The following SH2D6 variants were observed in gnomAD, a reference collection of about 807,000 sequenced individuals.
SH2D6 encodes SH2 domain-containing protein 6.
A neutral mutation model predicts 30.2 loss-of-function variants in SH2D6; 31 were observed. That is an observed-to-expected ratio of 1.03 (90% CI 0.77 to 1.38). The LOEUF is 1.38. Ranked by LOEUF, SH2D6 falls within the 40% of genes most tolerant of loss-of-function variation. The pLI is 0.00. For missense variants in SH2D6, 240 were observed against 266.8 expected (o/e 0.90, Z 0.70); for synonymous variants, 93 against 104.6 (o/e 0.89, Z 0.68).
At chr2:85,428,429 A>G (rs1199711425) in intron 6 of SH2D6, among the ~76,000 whole-genome samples, 155 bp from the exon 7 acceptor site, 1 of 152,198 alleles carries the variant, frequency 6.6e-6, no homozygotes, top group Admixed American at 6.5e-5. Flanking sequence ...TAAGATTCAT[A>G]TGCTAAAATC....
intron 7 of SH2D6, among the ~76,000 whole-genome samples, chr2:85,428,910 C>A (rs1457668574): frequency 6.6e-6 from 1 of 152,194 alleles, no homozygotes; most frequent in Non-Finnish European, 1.5e-5. Flanking sequence ...CCTGGAACAG[C>A]CTCTGGCAGA....
At chr2:85,434,291 T>C in intron 17 of SH2D6, 49 bp from the exon 18 acceptor site, 1 of 1,521,952 alleles carries the variant, frequency 6.6e-7, no homozygotes, top group Non-Finnish European at 8.8e-7. Flanking sequence ...CCCTTTCTCT[T>C]GAAAAACATA....
rs1245287102 is a variant in SH2D6 at position 85,425,674 on chromosome 2, TAG to T, written c.-209+272_-209+273del. 2.0e-5 allele frequency among the ~76,000 whole-genome samples: 3 copies of T among 152,320 alleles called. No homozygotes were observed. The East Asian group carries it at 5.8e-4, about 29-fold the overall frequency. On this transcript the variant is annotated intron_variant, in intron 6 of 23. Transcript: ENST00000469800. ...TAGCTCATAGCATCTCCAGCAGGGC[TAG>T]AGAGTTAGCCAGGAATAATGTCCCA...
At chr2:85,420,331 G>A (rs1409226907) in intron 2 of SH2D6, among the ~76,000 whole-genome samples, 1 of 152,158 alleles carries the variant, frequency 6.6e-6, no homozygotes, top group Admixed American at 6.5e-5. Context: ...TGTTGGCCAG[G>A]CTGGTCTCGA....
intron 5 of SH2D6, among the ~76,000 whole-genome samples, chr2:85,424,752 G>A (rs1483196618): frequency 6.6e-6 from 1 of 151,962 alleles, no homozygotes; most frequent in Non-Finnish European, 1.5e-5. Flanking sequence ...CTGGGTGACA[G>A]GGTGAGACCC....
chr2:85,419,390 C>G (rs1687664176), intron 2 of SH2D6, 146 bp downstream of exon 2: 2 of 152,418 alleles, frequency 1.3e-5, no homozygotes, highest in South Asian at 2.1e-4. Flanking sequence ...TTCTGAGGCG[C>G]TACAGAAGGG....
rs565709097 is a variant in SH2D6, at chr2:85,430,940, C to G, written c.251-270C>G. ...GGGCCTGGCATTCCCCTTCTGAGAT[C>G]CCAACACTTCTTCAGGCCAAGGGCG... On this transcript the variant is annotated intron_variant, in intron 12 of 23. Coordinates refer to ENST00000469800, the MANE Select transcript of SH2D6 (RefSeq NM_001394463.1). The surrounding 1 kb of genome is among the most constrained non-coding windows in gnomAD (Gnocchi z 4.3). Among the ~76,000 whole-genome samples, 1 of 152,140 alleles carries G rather than the reference C, an allele frequency of 6.6e-6. No homozygotes were observed. The highest frequency in any genetic ancestry group is 1.5e-5 in the Non-Finnish European group (1 of 68,016).
intron 6 of SH2D6, among the ~76,000 whole-genome samples, chr2:85,426,715 G>C (rs1399709867): frequency 6.6e-6 from 1 of 152,206 alleles, no homozygotes; most frequent in African/African-American, 2.4e-5. Flanking sequence ...TAATAAACCA[G>C]TAAACATAAG....
At chr2:85,432,142 A>G (rs1688741406) in intron 14 of SH2D6, among the ~76,000 whole-genome samples, 183 bp downstream of exon 14, 1 of 152,088 alleles carries the variant, frequency 6.6e-6, no homozygotes, top group South Asian at 2.1e-4. Context: ...CGTTGCCTCT[A>G]ATGAAATGAA....
At position 85,433,623 on chromosome 2, in the gene SH2D6, C is replaced by T. The variant is rs1283469854; in HGVS notation, c.446C>T (p.Pro149Leu). The T allele has an allele frequency of 9.8e-6, 10 of 1,016,684 alleles. No homozygotes were observed. The highest frequency in any genetic ancestry group is 4.0e-5 in the South Asian group (1 of 24,706). The allele number at this position is 1,016,684 out of a possible 1,614,324, so 63.0% of individuals were successfully genotyped here. ...GAGGACCTCTACTTGGAATGTGAGC[C>T]GGATCCAGGTGAGCCCCTCCCTCAG... Reference protein sequence around the residue: ...PDEDLYLECEPDPVLALTQTL... With the variant: ...PDEDLYLECELDPVLALTQTL... Residue 149 changes from proline to leucine, a missense_variant, in exon 16 of 24, where the codon CCG becomes CTG. By Grantham distance (98) the Pro-to-Leu change is moderately conservative (BLOSUM62 -3). Coordinates refer to ENST00000469800, the MANE Select transcript of SH2D6 (RefSeq NM_001394463.1).
chr2:85,420,452 T>C (rs72831574), intron 2 of SH2D6, among the ~76,000 whole-genome samples: 32 of 152,284 alleles, frequency 2.1e-4, no homozygotes, highest in Non-Finnish European at 4.4e-4. Flanking sequence ...GAAATCTTAT[T>C]ATCAGAATGT....
chr2:85,422,350 TA>T (rs1357536617), intron 3 of SH2D6, 36 bp downstream of exon 3: 2 of 151,930 alleles, frequency 1.3e-5, no homozygotes, highest in Non-Finnish European at 1.5e-5. Flanking sequence ...TTAAAAAAAT[TA>T]AAAAGAATGC....
chr2:85,435,605 G>A, intron 21 of SH2D6, 61 bp from the exon 22 acceptor site: 1 of 1,577,356 alleles, frequency 6.3e-7, no homozygotes, highest in Non-Finnish European at 8.6e-7. Context: ...GCCCCATCAT[G>A]GGTCAGGGCA....
intron 14 of SH2D6, 91 bp downstream of exon 14, chr2:85,432,050 C>G (rs1469091929): frequency 2.0e-5 from 3 of 152,680 alleles, no homozygotes; most frequent in Non-Finnish European, 4.4e-5. Context: ...TGACATGGGT[C>G]TCATACTCTG....
intron 6 of SH2D6, among the ~76,000 whole-genome samples, chr2:85,426,086 C>T (rs36118887): frequency 0.15 from 23,363 of 152,056 alleles, 2,085 homozygotes; most frequent in East Asian, 0.29. Flanking sequence ...CACATCTCCG[C>T]GGCTCTTCCT....
At chr2:85,427,430 C>G (rs190858148) in intron 6 of SH2D6, among the ~76,000 whole-genome samples, 9 of 152,376 alleles carry the variant, frequency 5.9e-5, no homozygotes, top group Admixed American at 4.6e-4. Flanking sequence ...TCTCCCAGAT[C>G]TGCCCAGGCC....
In SH2D6 at chr2:85,432,405, TTTTG is replaced by T. The variant is rs1340075431; in HGVS notation, c.370+450_370+453del. On this transcript the variant is annotated intron_variant, in intron 14 of 23. Transcript: ENST00000469800. ...TATTTATTTTTTTTGTTTTGTTTTG[TTTTG>T]TTTTTTTTTTGAGACGGAGTCTTGC... 2.4e-3 allele frequency among the ~76,000 whole-genome samples: 357 copies of T among 149,886 alleles called. 5 individuals are homozygous for T. Among genetic ancestry groups the T allele is most frequent in the African/African-American group, 8.5e-3 (340 of 40,000 alleles).
rs1001941273 is a variant in SH2D6, at chr2:85,434,463, T to C, written c.565-10T>C. 2 of 1,550,456 alleles carry C rather than the reference T, an allele frequency of 1.3e-6. No individual in the cohort carries two copies. Among genetic ancestry groups the C allele is most frequent in the Non-Finnish European group, 1.7e-6 (2 of 1,146,976 alleles). On this transcript the variant is annotated splice_polypyrimidine_tract_variant and intron_variant, in intron 18 of 23. Coordinates refer to ENST00000469800, the MANE Select transcript of SH2D6 (RefSeq NM_001394463.1). ...CCCGGCCTCTTCTGATCAGACCTCC[T>C]GTATGCCAGGGAACAGCAGATGCTG... is the stretch of plus-strand genomic sequence containing the variant.
At chr2:85,431,532 G>T (rs1170943545) in intron 13 of SH2D6, among the ~76,000 whole-genome samples, 1 of 152,028 alleles carries the variant, frequency 6.6e-6, no homozygotes, top group African/African-American at 2.4e-5. Flanking sequence ...TGAGGGGGAG[G>T]GGAGGGGCTC....
Sources: allele counts gnomAD v4.1 joint callset (sites outside exome capture counted in the v4.1 genomes callset), GRCh38; gene constraint gnomAD v4.1.1; non-coding constraint Gnocchi (gnomAD v3.1); transcripts MANE v1.5; gene names NCBI Gene and HGNC (gene_info 2026-07-23, HGNC 2026-07-21).